Variants in MSH6 observed in about 807,000 individuals in gnomAD.
MSH6 encodes the protein mutS homolog 6, also known as DNA mismatch repair protein Msh6.
Under a neutral mutation model 119.1 loss-of-function variants are expected in MSH6, and 85 were observed. That is an observed-to-expected ratio of 0.71 (90% CI 0.60 to 0.85). The LOEUF (loss-of-function observed/expected upper bound fraction) is 0.85. Among genes scored for constraint, MSH6 ranks in the 40% least tolerant of loss-of-function variants. The probability of loss-of-function intolerance (pLI) is 0.00; values close to 1 mark genes in which losing one functional copy is unlikely to be tolerated. For synonymous variants in MSH6, 830 were observed against 586.9 expected, an observed-to-expected ratio of 1.41 and a Z score of -5.99; for missense variants, 2,163 against 1,655.3, an observed-to-expected ratio of 1.31 and a Z score of -5.32.
rs145904047 is a variant in MSH6, at chr2:47,803,165, G to A, written c.3173-255G>A. Among the ~76,000 whole-genome samples, 864 of 152,240 alleles carry A rather than the reference G, an allele frequency of 5.7e-3. 4 individuals carry two copies. The highest frequency in any genetic ancestry group is 0.017 in the Middle Eastern group (5 of 294). On this transcript the variant is annotated intron_variant, in intron 4 of 9. Coordinates refer to ENST00000234420, the MANE Select transcript of MSH6 (RefSeq NM_000179.3). ...ACTGCTGACCTCGTGAACTCTGCCC[G>A]CCTAGGCCTCCTGAAGTGCTGGGAT...
intron 1 of MSH6, 113 bp downstream of exon 1, chr2:47,783,606 T>C (rs1572698849): frequency 8.9e-7 from 1 of 1,125,334 alleles, no homozygotes; most frequent in Non-Finnish European, 1.2e-6. Flanking sequence ...GGCCCTGGGC[T>C]CGGAGGAGGC....
downstream of MSH6, chr2:47,809,017 G>C (rs918478047): frequency 8.7e-6 from 5 of 571,954 alleles, no homozygotes; most frequent in South Asian, 1.1e-4. Context: ...TCTTAAACAC[G>C]ATCTTCAAGT....
intron 3 of MSH6, chr2:47,798,057 G>A (rs1669204998): frequency 9.4e-6 from 2 of 211,774 alleles, no homozygotes; most frequent in Non-Finnish European, 2.0e-5. Context: ...TCACTTTGTG[G>A]GGTTGGTGTC....
rs766427609 is a variant in MSH6, at chr2:47,800,727, C to A, written c.2744C>A (p.Ala915Asp). Residue 915 changes from alanine (A) to aspartate (D), a missense_variant, in exon 4 of 10, where the codon GCC (alanine) becomes GAC (aspartate). Physicochemically the swap from Ala to Asp is moderately radical, Grantham distance 126 (BLOSUM62 -2). Coordinates refer to ENST00000234420, the MANE Select transcript of MSH6 (RefSeq NM_000179.3). ...LTVELNRWDT[A>D]FDHEKARKTG... Reference sequence around the variant, plus strand: ...GTAGAATTGAACCGATGGGATACAGCCTTTGACCATGAAAAGGCTCGAAAG... The same window carrying A: ...GTAGAATTGAACCGATGGGATACAGACTTTGACCATGAAAAGGCTCGAAAG... The A allele has an allele frequency of 6.2e-7, 1 of 1,614,154 alleles. No homozygotes were observed. Among genetic ancestry groups the A allele is most frequent in the African/African-American group, 1.3e-5 (1 of 75,036 alleles).
In MSH6 at chr2:47,800,437, T is replaced by A. The variant is rs1553413809; in HGVS notation, c.2454T>A (p.Leu818=). 6.2e-7 allele frequency: 1 copy of A among 1,614,058 alleles called. No homozygotes were observed. The highest frequency in any genetic ancestry group is 8.5e-7 in the Non-Finnish European group (1 of 1,180,022). Residue 818 remains leucine (L), a synonymous_variant, in exon 4 of 10, where the codon CTT becomes CTA. Transcript: ENST00000234420. ...AGCTTCTAAAGAAGCTTCCAGATCT[T>A]GAGAGGCTACTCAGTAAAATTCATA... ...VVELLKKLPD[L]ERLLSKIHNV...
Position 47,783,256 on chromosome 2 carries a change from A to T in MSH6, c.23A>T (p.Tyr8Phe), listed in dbSNP as rs1572697757. 6.2e-7 allele frequency: 1 copy of T among 1,611,984 alleles called. No individual in the cohort carries two copies. Among genetic ancestry groups the T allele is most frequent in the Non-Finnish European group, 8.5e-7 (1 of 1,179,524 alleles). Residue 8 changes from tyrosine to phenylalanine, a missense_variant, in exon 1 of 10, where the codon TAC becomes TTC. Tyr to Phe is a conservative substitution (Grantham distance 22). Transcript: ENST00000234420. The stretch of plus-strand genomic sequence containing the variant: ...GGTATGTCGCGACAGAGCACCCTGT[A>T]CAGCTTCTTCCCCAAGTCTCCGGCG... MSRQSTL[Y>F]SFFPKSPALS... is the part of the protein sequence containing the mutation.
At chr2:47,807,212 C>G, downstream of MSH6, 1 of 254,178 alleles carries the variant, frequency 3.9e-6, no homozygotes, top group Non-Finnish European at 7.6e-6. Flanking sequence ...TTTGTCTAAA[C>G]TGTTCAAAAA....
downstream of MSH6, chr2:47,808,064 A>G: frequency 1.4e-6 from 2 of 1,463,950 alleles, no homozygotes; most frequent in Non-Finnish European, 1.9e-6. Flanking sequence ...CTTCCAAAAA[A>G]GTGTTTTAAG....
At position 47,788,910 on chromosome 2, in the gene MSH6, T is replaced by C. The variant is rs1558650127; in HGVS notation, c.261-2017T>C. 4.4e-3 allele frequency among the ~76,000 whole-genome samples: 244 copies of C among 55,116 alleles called. 4 individuals carry two copies. Among genetic ancestry groups the C allele is most frequent in the African/African-American group, 0.014 (221 of 15,520 alleles). 36.2% of individuals were successfully genotyped at this position (55,116 alleles called of 152,430 possible). On this transcript the variant is annotated intron_variant, in intron 1 of 9. Coordinates refer to ENST00000234420, the MANE Select transcript of MSH6 (RefSeq NM_000179.3). ...TTTCTTTCTTTCTTTCTTCTTCCTTTTTTTTTTTTTTGTTTTTTTTTTTTT... is the reference window on the plus strand; with the variant it reads ...TTTCTTTCTTTCTTTCTTCTTCCTTCTTTTTTTTTTTGTTTTTTTTTTTTT...
intron 1 of MSH6, among the ~76,000 whole-genome samples, chr2:47,788,268 T>C: frequency 8.3e-6 from 1 of 121,098 alleles, no homozygotes; most frequent in Non-Finnish European, 1.7e-5. Context: ...TTTTTTTTTT[T>C]TTTTGAGATG....
At chr2:47,802,435 A>C (rs1669656454) in intron 4 of MSH6, among the ~76,000 whole-genome samples, 1 of 151,980 alleles carries the variant, frequency 6.6e-6, no homozygotes, top group African/African-American at 2.4e-5. Context: ...GGTTCAAGTG[A>C]TTCTCCTTCC....
intron 1 of MSH6, chr2:47,789,424 G>A: frequency 2.1e-6 from 1 of 468,248 alleles, no homozygotes; most frequent in Non-Finnish European, 4.4e-6. Flanking sequence ...TTTTCCTAGT[G>A]AGGATGCACA....
At chr2:47,809,555 A>G (rs757196357), downstream of MSH6, 2 of 1,349,398 alleles carry the variant, frequency 1.5e-6, no homozygotes, top group Non-Finnish European at 1.0e-6. Flanking sequence ...ATTATCTTTC[A>G]TGGCATATTG....
chr2:47,806,076 T>C, intron 7 of MSH6, 128 bp from the exon 8 acceptor site: 1 of 914,990 alleles, frequency 1.1e-6, no homozygotes, highest in Non-Finnish European at 1.8e-6. Flanking sequence ...ACAAGGCCTA[T>C]TTATAGAATG....
downstream of MSH6, chr2:47,807,854 T>C: frequency 2.9e-6 from 1 of 342,840 alleles, no homozygotes; most frequent in Non-Finnish European, 5.4e-6. Context: ...TTGGTATCTG[T>C]ACAAAATTGC....
intron 4 of MSH6, chr2:47,801,409 C>A: frequency 3.0e-6 from 1 of 338,404 alleles, no homozygotes; most frequent in Non-Finnish European, 5.0e-6. Flanking sequence ...TGCTCTGTTG[C>A]CCAGGCTAGA....
chr2:47,809,260 T>C (rs777062953), downstream of MSH6: 4 of 1,559,020 alleles, frequency 2.6e-6, no homozygotes, highest in East Asian at 4.5e-5. Flanking sequence ...GTTCATTATT[T>C]TGTTATCTGT....
intron 2 of MSH6, among the ~76,000 whole-genome samples, chr2:47,793,426 G>A (rs3136295): frequency 5.3e-5 from 8 of 149,624 alleles, no homozygotes; most frequent in Middle Eastern, 3.5e-3. Context: ...TCAGGCGTTC[G>A]AGACCAGCCT....
intron 2 of MSH6, among the ~76,000 whole-genome samples, chr2:47,791,751 C>G (rs535343979): frequency 6.6e-6 from 1 of 150,384 alleles, no homozygotes; most frequent in Non-Finnish European, 1.5e-5. Context: ...CAATCTCGGC[C>G]CACTGCAACC....
Sources: gnomAD v4.1 joint callset for allele counts (sites outside exome capture counted in the v4.1 genomes callset) on GRCh38, gnomAD v4.1.1 for gene constraint, MANE v1.5 for transcripts, NCBI Gene and HGNC (gene_info 2026-07-23, HGNC 2026-07-21) for gene names.